The following CFAP299 variants were observed in gnomAD, a reference collection of about 807,000 sequenced individuals.
CFAP299 encodes cilia and flagella associated protein 299.
CFAP299 carries 21 observed loss-of-function variants against 27.0 expected under a neutral mutation model. The observed-to-expected ratio is 0.78, with a 90% CI of 0.55 to 1.12. The LOEUF is 1.12. Ranked by LOEUF, CFAP299 falls within the 50% of genes most tolerant of loss-of-function variation. CFAP299 has a pLI of 0.00. For missense variants in CFAP299, 310 were observed against 276.6 expected (o/e 1.12, Z -0.86); for synonymous variants, 104 against 98.1 (o/e 1.06, Z -0.36).
At chr4:80,397,070 T>C (rs1223297408) in intron 2 of CFAP299, among the ~76,000 whole-genome samples, 1 of 150,922 alleles carries the variant, frequency 6.6e-6, no homozygotes, top group Non-Finnish European at 1.5e-5. Flanking sequence ...CTGTTATTGG[T>C]CTATTCGGGG....
intron 4 of CFAP299, among the ~76,000 whole-genome samples, chr4:80,916,316 T>C (rs937024654): frequency 7.3e-6 from 1 of 137,436 alleles, no homozygotes; most frequent in African/African-American, 2.7e-5. Context: ...AGATCATCTG[T>C]TCCTCCATCT....
chr4:80,377,840 AT>A (rs1724493024), intron 2 of CFAP299, among the ~76,000 whole-genome samples: 1 of 152,192 alleles, frequency 6.6e-6, no homozygotes, highest in Non-Finnish European at 1.5e-5. Context: ...AAGAGGTTTA[AT>A]TGGACTTATA....
intron 4 of CFAP299, 30 bp downstream of exon 4, chr4:80,870,165 G>C (rs753010730): frequency 1.3e-6 from 2 of 1,575,196 alleles, no homozygotes; most frequent in Non-Finnish European, 1.7e-6. Context: ...TGCACCCTTA[G>C]AGGCAGGGAC....
At chr4:80,755,565 T>C (rs539634351) in intron 3 of CFAP299, among the ~76,000 whole-genome samples, 4 of 152,094 alleles carry the variant, frequency 2.6e-5, no homozygotes, top group Non-Finnish European at 5.9e-5. Context: ...AAGTGGATAA[T>C]AAAAGTGACC....
At chr4:80,616,131 G>T (rs1056671872) in intron 3 of CFAP299, among the ~76,000 whole-genome samples, 2 of 152,204 alleles carry the variant, frequency 1.3e-5, no homozygotes, top group East Asian at 3.9e-4. Context: ...CTGTTTCCAT[G>T]TAAGTTTTTG....
At chr4:80,858,674 G>T (rs956776911) in intron 3 of CFAP299, among the ~76,000 whole-genome samples, 2 of 152,146 alleles carry the variant, frequency 1.3e-5, no homozygotes, top group Non-Finnish European at 2.9e-5. Context: ...GTACCCAGTA[G>T]TCATTCAGGA....
chr4:80,485,818 C>A (rs1396043045), intron 2 of CFAP299, among the ~76,000 whole-genome samples: 2 of 152,048 alleles, frequency 1.3e-5, no homozygotes, highest in Admixed American at 1.3e-4. Context: ...AGTAAAGGCC[C>A]TTTTAATTTC....
intron 3 of CFAP299, among the ~76,000 whole-genome samples, chr4:80,847,532 A>G (rs1036284703): frequency 5.3e-5 from 8 of 152,192 alleles, no homozygotes; most frequent in African/African-American, 1.9e-4. Flanking sequence ...CCTACATGCC[A>G]TCTATTAGTT....
chr4:80,523,298 G>T (rs769498336), intron 2 of CFAP299, among the ~76,000 whole-genome samples: 6 of 152,076 alleles, frequency 3.9e-5, no homozygotes, highest in African/African-American at 1.4e-4. Flanking sequence ...TGTTGCTGCT[G>T]TATAGAAACA....
At chr4:80,800,721 TC>T (rs969801187) in intron 3 of CFAP299, among the ~76,000 whole-genome samples, 1 of 103,578 alleles carries the variant, frequency 9.7e-6, no homozygotes, top group African/African-American at 4.0e-5. Flanking sequence ...TATGTATGAG[TC>T]CATATGTGTA....
chr4:80,808,997 C>A (rs922587713), intron 3 of CFAP299, among the ~76,000 whole-genome samples: 1 of 152,036 alleles, frequency 6.6e-6, no homozygotes, highest in African/African-American at 2.4e-5. Flanking sequence ...TAGGGAGAAA[C>A]CAATCCAAAG....
At chr4:80,398,174 A>G (rs1246670893) in intron 2 of CFAP299, among the ~76,000 whole-genome samples, 1 of 152,196 alleles carries the variant, frequency 6.6e-6, no homozygotes, top group Admixed American at 6.5e-5. Context: ...ACCACTGCTC[A>G]ACGAAATAAA....
chr4:80,921,562 A>G (rs1736047281), intron 4 of CFAP299, among the ~76,000 whole-genome samples: 1 of 152,102 alleles, frequency 6.6e-6, no homozygotes, highest in Non-Finnish European at 1.5e-5. Flanking sequence ...TTGCTTTAGC[A>G]TAGATCTGAG....
At chr4:80,909,218 T>C (rs1197528531) in intron 4 of CFAP299, among the ~76,000 whole-genome samples, 5 of 152,036 alleles carry the variant, frequency 3.3e-5, no homozygotes, top group Non-Finnish European at 7.4e-5. Context: ...ATTAACTAAA[T>C]TTGGTTCAAT....
chr4:80,784,415 G>A (rs1300042579), intron 3 of CFAP299, among the ~76,000 whole-genome samples: 5 of 152,072 alleles, frequency 3.3e-5, no homozygotes, highest in Non-Finnish European at 7.4e-5. Flanking sequence ...ATCTCATAGT[G>A]GTTTTAATTT....
intron 4 of CFAP299, among the ~76,000 whole-genome samples, chr4:80,897,085 A>C (rs970202918): frequency 1.3e-5 from 2 of 152,176 alleles, no homozygotes; most frequent in African/African-American, 4.8e-5. Context: ...AATTTTAGGA[A>C]CAGTGAGAAG....
intron 2 of CFAP299, among the ~76,000 whole-genome samples, chr4:80,536,319 C>T (rs192633821): frequency 6.4e-4 from 97 of 152,252 alleles, no homozygotes; most frequent in Admixed American, 2.7e-3. Context: ...CTTATATGCT[C>T]TGATTTAATA....
In CFAP299 at chr4:80,660,613, G is replaced by T. The variant is rs561222821; in HGVS notation, c.333+77430G>T. On this transcript the variant is annotated intron_variant, in intron 3 of 5. Transcript: ENST00000358105. ...TGTTTTAATAAATTATTAGTTATAAGGGTGGCGATGGAAAACAAGAGGTCT... is the reference window on the plus strand; with the variant it reads ...TGTTTTAATAAATTATTAGTTATAATGGTGGCGATGGAAAACAAGAGGTCT... 2.6e-4 allele frequency among the ~76,000 whole-genome samples: 40 copies of T among 152,242 alleles called. 1 individual carries two copies. Among genetic ancestry groups the T allele is most frequent in the African/African-American group, 8.9e-4 (37 of 41,544 alleles).
chr4:80,475,839 A>G lies in CFAP299; in HGVS notation c.243-107254A>G, dbSNP rs754943831. ...AGAGAGTGAAGAACAGAGTCCTAGA[A>G]TATTCCTAAATTTAGAGATCAGTTG... On this transcript the variant is annotated intron_variant, in intron 2 of 5. Transcript: ENST00000358105. Among the ~76,000 whole-genome samples the G allele has an allele frequency of 1.1e-3, 163 of 152,194 alleles. 1 individual carries two copies. The highest frequency in any genetic ancestry group is 1.9e-3 in the Non-Finnish European group (128 of 68,032).
Sources: gnomAD v4.1 joint callset for allele counts (sites outside exome capture counted in the v4.1 genomes callset) on GRCh38, gnomAD v4.1.1 for gene constraint, MANE v1.5 for transcripts, NCBI Gene and HGNC (gene_info 2026-07-23, HGNC 2026-07-21) for gene names.